NOX4: variants seen among roughly 807,000 people sequenced by gnomAD.
The protein encoded by NOX4 is kidney oxidase-1.
Under a neutral mutation model 87.6 loss-of-function variants are expected in NOX4, and 69 were observed. The observed-to-expected ratio is 0.79, with a 90% CI of 0.65 to 0.96. The LOEUF is 0.96. Among genes scored for constraint, NOX4 ranks in the 40% least tolerant of loss-of-function variants. The pLI is 0.00. For missense variants in NOX4, 680 were observed against 681.5 expected, an observed-to-expected ratio of 1.00 and a Z score of 0.02; for synonymous variants, 275 against 238.2, an observed-to-expected ratio of 1.15 and a Z score of -1.42.
At chr11:89,422,842 T>TA (rs1943159349) in intron 7 of NOX4, among the ~76,000 whole-genome samples, 1 of 144,392 alleles carries the variant, frequency 6.9e-6, no homozygotes, top group South Asian at 2.2e-4. Context: ...CTCTGTCGCC[T>TA]AGGCTGGAGT....
chr11:89,397,327 A>G (rs1169394218), intron 11 of NOX4, among the ~76,000 whole-genome samples: 1 of 152,222 alleles, frequency 6.6e-6, no homozygotes, highest in Non-Finnish European at 1.5e-5. Flanking sequence ...CAGTGTGTAG[A>G]GAGAACTTTA....
At chr11:89,421,672 G>A (rs1357705350) in intron 8 of NOX4, among the ~76,000 whole-genome samples, 1 of 152,050 alleles carries the variant, frequency 6.6e-6, no homozygotes, top group Admixed American at 6.6e-5. Context: ...TTGTTGGAGA[G>A]GTAATTCTAG....
At chr11:89,394,707 G>C (rs1338109810) in intron 11 of NOX4, among the ~76,000 whole-genome samples, 1 of 151,742 alleles carries the variant, frequency 6.6e-6, no homozygotes, top group Non-Finnish European at 1.5e-5. Flanking sequence ...CTGTGTACAA[G>C]TGTTCTCATT....
intron 7 of NOX4, among the ~76,000 whole-genome samples, chr11:89,425,346 G>A (rs1408305295): frequency 6.8e-6 from 1 of 146,058 alleles, no homozygotes; most frequent in Non-Finnish European, 1.5e-5. Context: ...TTTTCCTTAG[G>A]ACATCATTGA....
intron 7 of NOX4, among the ~76,000 whole-genome samples, chr11:89,431,736 C>A (rs1943794202): frequency 6.6e-6 from 1 of 152,182 alleles, no homozygotes; most frequent in Non-Finnish European, 1.5e-5. Flanking sequence ...AACAGGAACA[C>A]TTTTACACTG....
intron 13 of NOX4, among the ~76,000 whole-genome samples, chr11:89,351,477 G>T (rs1238472483): frequency 1.3e-5 from 2 of 152,180 alleles, no homozygotes; most frequent in Non-Finnish European, 2.9e-5. Context: ...AGACAAGACA[G>T]CCATCAAGTG....
At chr11:89,425,074 T>A (rs1406457757) in intron 7 of NOX4, among the ~76,000 whole-genome samples, 2 of 152,148 alleles carry the variant, frequency 1.3e-5, no homozygotes, top group Non-Finnish European at 2.9e-5. Flanking sequence ...ATCTTTTTAT[T>A]CCATTTGACA....
intron 2 of NOX4, among the ~76,000 whole-genome samples, chr11:89,480,631 C>T (rs1355964766): frequency 6.6e-6 from 1 of 152,042 alleles, no homozygotes; most frequent in Non-Finnish European, 1.5e-5. Flanking sequence ...AATCAATGCG[C>T]AAATTGCTTA....
At chr11:89,413,370 C>G (rs559178255) in intron 8 of NOX4, among the ~76,000 whole-genome samples, 32 of 152,234 alleles carry the variant, frequency 2.1e-4, no homozygotes, top group African/African-American at 6.5e-4. Flanking sequence ...TGAAGAGATA[C>G]CTGCACTTGC....
chr11:89,388,652 C>A (rs572162), intron 11 of NOX4, among the ~76,000 whole-genome samples: 2 of 151,704 alleles, frequency 1.3e-5, no homozygotes, highest in Non-Finnish European at 2.9e-5. Context: ...GGAAACCTAA[C>A]CTAAAACGTC....
At chr11:89,356,795 G>C (rs769675537) in intron 12 of NOX4, among the ~76,000 whole-genome samples, 1 of 151,920 alleles carries the variant, frequency 6.6e-6, no homozygotes, top group Non-Finnish European at 1.5e-5. Flanking sequence ...TTAAGGTGCT[G>C]GATAAATATT....
intron 2 of NOX4, among the ~76,000 whole-genome samples, chr11:89,476,143 G>A (rs1317436447): frequency 6.6e-6 from 1 of 152,072 alleles, no homozygotes; most frequent in Non-Finnish European, 1.5e-5. Context: ...GTTAGGGTGA[G>A]TTGTTTTCTA....
At chr11:89,400,487 T>G in intron 9 of NOX4, 108 bp from the exon 10 acceptor site, 1 of 659,378 alleles carries the variant, frequency 1.5e-6, no homozygotes, top group Non-Finnish European at 2.3e-6. Context: ...TTTTAATTTG[T>G]ATTTTAAATA....
At chr11:89,335,136 C>T (rs898464493) in intron 17 of NOX4, among the ~76,000 whole-genome samples, 11 of 151,648 alleles carry the variant, frequency 7.3e-5, no homozygotes, top group African/African-American at 2.2e-4. Flanking sequence ...TAGATGTAAA[C>T]CTAAAAATAC....
At chr11:89,525,405 G>T in the NOX4 span, among the ~76,000 whole-genome samples, 1 of 151,778 alleles carries the variant, frequency 6.6e-6, no homozygotes, top group East Asian at 1.9e-4. Context: ...TTTTAATTTG[G>T]CCATTCTAAT....
At chr11:89,470,349 G>A (rs932736941) in intron 2 of NOX4, among the ~76,000 whole-genome samples, 1 of 152,026 alleles carries the variant, frequency 6.6e-6, no homozygotes, top group African/African-American at 2.4e-5. Context: ...TATAAACTGA[G>A]CTTTATTTCA....
chr11:89,442,611 A>G (rs1270701453), intron 5 of NOX4, among the ~76,000 whole-genome samples: 2 of 152,204 alleles, frequency 1.3e-5, no homozygotes, highest in African/African-American at 2.4e-5. Context: ...AATATATACC[A>G]TAAAATGCGA....
rs551311603 is a variant in NOX4 at position 89,357,927 on chromosome 11, TACAC to T, written c.1136-2888_1136-2885del. Among the ~76,000 whole-genome samples the T allele has an allele frequency of 4.1e-3, 625 of 151,116 alleles. 9 individuals are homozygous for T. The highest frequency in any genetic ancestry group is 2.7e-3 in the Non-Finnish European group (185 of 67,688). On this transcript the variant is annotated intron_variant, in intron 12 of 17. Coordinates refer to ENST00000263317, the MANE Select transcript of NOX4 (RefSeq NM_016931.5). Reference sequence around the variant, plus strand: ...ACACAGATGCACACGTGTGTGTGCATACACACACACACACATACAGCAAAAGCAG... The same window carrying T: ...ACACAGATGCACACGTGTGTGTGCATACACACACACATACAGCAAAAGCAG...
Position 89,422,635 on chromosome 11 carries a change from A to C in NOX4, c.549-653T>G, listed in dbSNP as rs188546333. On this transcript the variant is annotated intron_variant, in intron 7 of 17. Coordinates refer to ENST00000263317, the MANE Select transcript of NOX4 (RefSeq NM_016931.5). ...TTAGAATATTGGAATTAGAGGGCAG[A>C]TATTTACAAAAGCTTCCTAGATGAA... is the stretch of plus-strand genomic sequence containing the variant. Among the ~76,000 whole-genome samples the C allele has an allele frequency of 1.4e-3, 210 of 152,200 alleles. 1 individual carries two copies. The highest frequency in any genetic ancestry group is 2.7e-3 in the Non-Finnish European group (182 of 68,002).
Sources: gnomAD v4.1 joint callset for allele counts (sites outside exome capture counted in the v4.1 genomes callset) on GRCh38, gnomAD v4.1.1 for gene constraint, MANE v1.5 for transcripts, NCBI Gene and HGNC (gene_info 2026-07-23, HGNC 2026-07-21) for gene names.